The following GNB1 variants were observed in gnomAD, a reference collection of about 807,000 sequenced individuals.
GNB1 encodes the protein guanine nucleotide-binding protein G(I)/G(S)/G(T) subunit beta-1.
Under a neutral mutation model 42.9 loss-of-function variants are expected in GNB1, and 2 were observed. The observed-to-expected ratio is 0.05, with a 90% CI of 0.02 to 0.15. GNB1 has a LOEUF of 0.15. Ranked by LOEUF, GNB1 falls within the 10% of genes least tolerant of loss-of-function variation. The pLI is 1.00. For missense variants in GNB1, 193 were observed against 462.2 expected (o/e 0.42, Z 5.34); for synonymous variants, 183 against 174.7 (o/e 1.05, Z -0.38).
chr1:1,812,085 A>T (rs887093008), intron 5 of GNB1, among the ~76,000 whole-genome samples: 16 of 152,136 alleles, frequency 1.1e-4, no homozygotes, highest in African/African-American at 3.6e-4. Context: ...AACCCAAAAA[A>T]ACTGGTATTC....
chr1:1,852,314 C>T (rs1378123976), intron 1 of GNB1, among the ~76,000 whole-genome samples: 4 of 151,928 alleles, frequency 2.6e-5, no homozygotes, highest in African/African-American at 2.4e-5. Flanking sequence ...CTGCAAGCTC[C>T]GCCTCCCGGG....
intron 1 of GNB1, among the ~76,000 whole-genome samples, chr1:1,878,141 C>G (rs1469709608): frequency 1.3e-5 from 2 of 152,318 alleles, no homozygotes; most frequent in South Asian, 4.1e-4. Context: ...CCTATCAGAG[C>G]TGATGTGAGG....
At chr1:1,839,089 C>T (rs1220593243) in intron 2 of GNB1, 101 bp downstream of exon 2, 1 of 152,112 alleles carries the variant, frequency 6.6e-6, no homozygotes, top group African/African-American at 2.4e-5. Flanking sequence ...AACACTGTCT[C>T]TTTAAAAAAC....
chr1:1,828,639 C>T (rs996777550), intron 2 of GNB1, among the ~76,000 whole-genome samples: 2 of 152,136 alleles, frequency 1.3e-5, no homozygotes, highest in Non-Finnish European at 2.9e-5. Flanking sequence ...AGAAAAAAAC[C>T]AGACGGACTT....
At chr1:1,872,458 G>A (rs966597068) in intron 1 of GNB1, among the ~76,000 whole-genome samples, 7 of 152,270 alleles carry the variant, frequency 4.6e-5, no homozygotes, top group African/African-American at 1.4e-4. Context: ...TGGGCCTCTG[G>A]CACCTGCCTG....
At chr1:1,853,879 T>A (rs1233198915) in intron 1 of GNB1, among the ~76,000 whole-genome samples, 1 of 152,164 alleles carries the variant, frequency 6.6e-6, no homozygotes, top group Non-Finnish European at 1.5e-5. Flanking sequence ...AGTACATATA[T>A]AGTCATATTA....
At chr1:1,874,947 T>C (rs969831791) in intron 1 of GNB1, among the ~76,000 whole-genome samples, 1 of 152,216 alleles carries the variant, frequency 6.6e-6, no homozygotes, top group Non-Finnish European at 1.5e-5. Flanking sequence ...GGGATGAAAC[T>C]GTTCCACCTC....
chr1:1,828,538 A>G (rs1647030061), intron 2 of GNB1, among the ~76,000 whole-genome samples: 1 of 152,194 alleles, frequency 6.6e-6, no homozygotes, highest in Non-Finnish European at 1.5e-5. Context: ...AGTATCTTTA[A>G]AATGAGCTCA....
At chr1:1,822,480 TG>T (rs1415438657) in intron 3 of GNB1, among the ~76,000 whole-genome samples, 1 of 152,030 alleles carries the variant, frequency 6.6e-6, no homozygotes, top group Non-Finnish European at 1.5e-5. Context: ...TAATTTTTTT[TG>T]TATTTTTTTT....
intron 7 of GNB1, among the ~76,000 whole-genome samples, chr1:1,802,709 A>G (rs1029135404): frequency 6.6e-6 from 1 of 151,466 alleles, no homozygotes. Flanking sequence ...GGTTTCAGTG[A>G]GCTGAGATTG....
chr1:1,790,145 G>A lies in GNB1; in HGVS notation c.699+250C>T, dbSNP rs1411513884. Among the ~76,000 whole-genome samples, 6 of 152,130 alleles carry A rather than the reference G, an allele frequency of 3.9e-5. No individual in the cohort carries two copies. Among genetic ancestry groups the A allele is most frequent in the Non-Finnish European group, 5.9e-5 (4 of 68,038 alleles). ...TTATCTTACTGTCTTTCCCCTCCAG[G>A]ATCCCAACCACTGCTCAGCTGTAGA... On this transcript the variant is annotated intron_variant, in intron 9 of 11. Transcript: ENST00000378609. The surrounding 1 kb of genome is among the most constrained non-coding windows in gnomAD (Gnocchi z 5.4).
chr1:1,836,387 C>CTT (rs34812880), intron 2 of GNB1, among the ~76,000 whole-genome samples: 42 of 85,162 alleles, frequency 4.9e-4, no homozygotes, highest in African/African-American at 1.2e-3. Context: ...CTTAATATTG[C>CTT]TTTTTTTTTT....
At chr1:1,861,284 T>G (rs1648612743) in intron 1 of GNB1, among the ~76,000 whole-genome samples, 1 of 151,868 alleles carries the variant, frequency 6.6e-6, no homozygotes, top group Non-Finnish European at 1.5e-5. Flanking sequence ...TAAAGAGTCC[T>G]CATCTCCACA....
In GNB1 at chr1:1,862,311, A is replaced by C. The variant is rs1169380076; in HGVS notation, c.-95-23073T>G. 2.6e-5 allele frequency among the ~76,000 whole-genome samples: 4 copies of C among 152,288 alleles called. No individual in the cohort carries two copies. In the East Asian group the frequency reaches 7.7e-4, roughly 29 times the overall value. Reference sequence around the variant, plus strand: ...ATTGGAGGATGAAGAGCCACTAAGTAACTCCTGGGACCTCCTCTTCGGAGG... The same window carrying C: ...ATTGGAGGATGAAGAGCCACTAAGTCACTCCTGGGACCTCCTCTTCGGAGG... On this transcript the variant is annotated intron_variant, in intron 1 of 11. Transcript: ENST00000378609.
chr1:1,785,745 C>T lies in GNB1; in HGVS notation c.*1318G>A, dbSNP rs1366024554. The T allele has an allele frequency of 3.1e-6, 1 of 324,480 alleles. No homozygotes were observed. The highest frequency in any genetic ancestry group is 5.5e-6 in the Non-Finnish European group (1 of 181,180). The allele number at this position is 324,480 out of a possible 1,614,324, so 20.1% of individuals were successfully genotyped here. On this transcript the variant is annotated 3_prime_UTR_variant, in exon 12 of 12. Coordinates refer to ENST00000378609, the MANE Select transcript of GNB1 (RefSeq NM_002074.5). ...GGAGGGCAGGCTCTTCACTCCCTCT[C>T]CCTCCCTCTCTCTCCCTCCCCACCC...
intron 5 of GNB1, among the ~76,000 whole-genome samples, chr1:1,810,287 G>A (rs868361985): frequency 6.6e-6 from 1 of 150,974 alleles, no homozygotes; most frequent in Non-Finnish European, 1.5e-5. Flanking sequence ...GGATGGTCTC[G>A]ATCTCCTGAC....
intron 1 of GNB1, among the ~76,000 whole-genome samples, chr1:1,855,885 T>G (rs968761971): frequency 4.6e-5 from 7 of 152,212 alleles, no homozygotes; most frequent in African/African-American, 1.7e-4. Flanking sequence ...CTTCTTAACC[T>G]AAGAGTGAAG....
At position 1,877,310 on chromosome 1, in the gene GNB1, A is replaced by ATAT. The variant is rs1418883187; in HGVS notation, c.-96+13509_-96+13510insATA. Among the ~76,000 whole-genome samples the ATAT allele has an allele frequency of 1.7e-3, 243 of 142,946 alleles. 1 individual carries two copies. Among genetic ancestry groups the ATAT allele is most frequent in the African/African-American group, 5.9e-3 (232 of 39,314 alleles). 93.8% of individuals were successfully genotyped at this position (142,946 alleles called of 152,430 possible). ...TGAGACTCTGTCTCAAAAAAAAAAAAAAAAAAATATATATATATATACACA... is the reference window on the plus strand; with the variant it reads ...TGAGACTCTGTCTCAAAAAAAAAAAATATAAAAAAATATATATATATATACACA... On this transcript the variant is annotated intron_variant, in intron 1 of 11. Coordinates refer to ENST00000378609, the MANE Select transcript of GNB1 (RefSeq NM_002074.5).
chr1:1,830,811 C>A (rs756996813), intron 2 of GNB1, among the ~76,000 whole-genome samples: 1 of 151,956 alleles, frequency 6.6e-6, no homozygotes, highest in Non-Finnish European at 1.5e-5. Flanking sequence ...CCTCCCAAAG[C>A]GCTAGACTCT....
Sources: gnomAD v4.1 joint callset for allele counts (sites outside exome capture counted in the v4.1 genomes callset) on GRCh38, gnomAD v4.1.1 for gene constraint, Gnocchi (gnomAD v3.1) non-coding constraint, MANE v1.5 for transcripts, NCBI Gene and HGNC (gene_info 2026-07-23, HGNC 2026-07-21) for gene names.